Variants in STPG4 observed in about 807,000 individuals in gnomAD.
The protein encoded by STPG4 is protein STPG4.
In STPG4, 41 loss-of-function variants were observed where a neutral mutation model predicts 31.5. The ratio of observed to expected loss-of-function variants is 1.30; its 90% CI spans 1.01 to 1.69. The LOEUF (loss-of-function observed/expected upper bound fraction) is 1.69. Among genes scored for constraint, STPG4 ranks in the 40% most tolerant of loss-of-function variants. STPG4 has a pLI of 0.00. For synonymous variants in STPG4, 141 were observed against 103.0 expected, an observed-to-expected ratio of 1.37 and a Z score of -2.24; for missense variants, 375 against 293.4, an observed-to-expected ratio of 1.28 and a Z score of -2.03.
intron 5 of STPG4, among the ~76,000 whole-genome samples, chr2:47,097,008 C>A (rs1040807155): frequency 1.3e-5 from 2 of 152,142 alleles, no homozygotes; most frequent in East Asian, 3.9e-4. Flanking sequence ...AGGGAAGAGG[C>A]ATCTGGAGTA....
intron 5 of STPG4, among the ~76,000 whole-genome samples, chr2:47,109,018 C>T (rs947627847): frequency 6.6e-6 from 1 of 152,210 alleles, no homozygotes; most frequent in Non-Finnish European, 1.5e-5. Flanking sequence ...TCCACCCCAC[C>T]TTTATGTTTT....
intron 3 of STPG4, 87 bp downstream of exon 3, chr2:47,151,171 G>T: frequency 6.8e-7 from 1 of 1,470,206 alleles, no homozygotes; most frequent in South Asian, 1.3e-5. Context: ...TTCTCCTGGG[G>T]GAAGATATAC....
intron 5 of STPG4, among the ~76,000 whole-genome samples, chr2:47,124,849 G>A (rs1558681176): frequency 1.3e-5 from 2 of 152,176 alleles, no homozygotes; most frequent in Admixed American, 1.3e-4. Flanking sequence ...CCTTTGTACT[G>A]TTCTTCGTGG....
At chr2:47,142,243 C>T (rs1201410670) in intron 3 of STPG4, among the ~76,000 whole-genome samples, 4 of 142,182 alleles carry the variant, frequency 2.8e-5, no homozygotes, top group South Asian at 4.9e-4. Context: ...TTTAATGGGG[C>T]GCCTTTCTAG....
Position 47,151,497 on chromosome 2 carries a change from T to C in STPG4, c.160A>G (p.Thr54Ala). ...TCAATAAAAGTTTTCAAGTGGTAAG[T>C]GCCAGGTATAGGAGTATCCTGTGGA... ...IALTDTPIPG[T>A]YHLKTFIEES... Residue 54 changes from threonine to alanine, a missense_variant, in exon 3 of 7, where the codon ACT becomes GCT. Transcript: ENST00000445927. 1 of 1,613,992 alleles carries C rather than the reference T, an allele frequency of 6.2e-7. No homozygotes were observed. The highest frequency in any genetic ancestry group is 8.5e-7 in the Non-Finnish European group (1 of 1,179,856).
chr2:47,124,429 T>A (rs1041710249), intron 5 of STPG4, among the ~76,000 whole-genome samples: 15 of 152,196 alleles, frequency 9.9e-5, no homozygotes, highest in Admixed American at 8.5e-4. Flanking sequence ...CTACCCTTCT[T>A]AGTCTCTGGT....
chr2:47,113,094 G>A (rs1686075643), intron 5 of STPG4, among the ~76,000 whole-genome samples: 1 of 151,770 alleles, frequency 6.6e-6, no homozygotes, highest in Non-Finnish European at 1.5e-5. Context: ...ATAAATAAGG[G>A]AAAGATACAT....
chr2:47,131,123 C>T (rs1416857174), intron 3 of STPG4, among the ~76,000 whole-genome samples: 1 of 151,474 alleles, frequency 6.6e-6, no homozygotes, highest in East Asian at 1.9e-4. Flanking sequence ...CTGATCACAT[C>T]TTATTTTTAT....
At chr2:47,089,109 G>T (rs1019816499) in intron 6 of STPG4, among the ~76,000 whole-genome samples, 1 of 152,154 alleles carries the variant, frequency 6.6e-6, no homozygotes, top group East Asian at 1.9e-4. Context: ...CACCACGCCC[G>T]TATGGTGAAT....
chr2:47,096,480 G>A (rs1177676718), intron 5 of STPG4, among the ~76,000 whole-genome samples: 1 of 152,180 alleles, frequency 6.6e-6, no homozygotes, highest in Non-Finnish European at 1.5e-5. Context: ...AATAAAAAGT[G>A]TTAACTGGAC....
At chr2:47,112,376 G>C (rs1686056160) in intron 5 of STPG4, among the ~76,000 whole-genome samples, 2 of 151,504 alleles carry the variant, frequency 1.3e-5, no homozygotes, top group Admixed American at 1.3e-4. Flanking sequence ...TCACCATGTT[G>C]GCCAAGCTGG....
rs753782251 is a variant in STPG4 at position 47,151,320 on chromosome 2, C to A, written c.337G>T (p.Ala113Ser). ...DFLDLLKKQV[A>S]TYSFKDKPRP... ...GGTTTGTCTTTGAATGAGTAAGTAG[C>A]CACTTGCTTCTTTAACAGGTCCAGG... The change falls in exon 3 of 7, where the codon GCT becomes TCT. Residue 113 changes from alanine to serine, a missense_variant. Physicochemically the swap from Ala to Ser is moderately conservative, Grantham distance 99. Coordinates refer to ENST00000445927, the MANE Select transcript of STPG4 (RefSeq NM_001163561.2). 6.2e-7 allele frequency: 1 copy of A among 1,614,152 alleles called. No individual in the cohort carries two copies. The highest frequency in any genetic ancestry group is 1.7e-5 in the Admixed American group (1 of 60,026).
intron 5 of STPG4, among the ~76,000 whole-genome samples, chr2:47,096,650 G>C (rs1473161985): frequency 6.6e-6 from 1 of 152,178 alleles, no homozygotes; most frequent in Non-Finnish European, 1.5e-5. Context: ...GGTTGAATGT[G>C]TCAAACCTCA....
chr2:47,148,926 A>G (rs1686881518), intron 3 of STPG4, among the ~76,000 whole-genome samples: 1 of 152,228 alleles, frequency 6.6e-6, no homozygotes, highest in African/African-American at 2.4e-5. Context: ...AGCCACTGAA[A>G]GATATAAAAT....
intron 3 of STPG4, among the ~76,000 whole-genome samples, chr2:47,142,645 A>G (rs1686738305): frequency 6.6e-6 from 1 of 152,154 alleles, no homozygotes; most frequent in Admixed American, 6.5e-5. Flanking sequence ...TTCCAAATGG[A>G]AACCACTGTT....
chr2:47,152,014 T>C (rs1686949471), intron 2 of STPG4, among the ~76,000 whole-genome samples: 1 of 152,026 alleles, frequency 6.6e-6, no homozygotes. Flanking sequence ...CCGCCCGCCT[T>C]GGCATCCCAA....
intron 5 of STPG4, among the ~76,000 whole-genome samples, chr2:47,106,470 C>T (rs1573159347): frequency 6.6e-6 from 1 of 151,946 alleles, no homozygotes; most frequent in African/African-American, 2.4e-5. Flanking sequence ...CCTACTACCA[C>T]ACACTCTCAA....
rs914561235 is a variant in STPG4 at position 47,104,056 on chromosome 2, G to C, written c.520-13682C>G. On this transcript the variant is annotated intron_variant, in intron 5 of 6. Coordinates refer to ENST00000445927, the MANE Select transcript of STPG4 (RefSeq NM_001163561.2). The stretch of plus-strand genomic sequence containing the variant: ...GCCTGAAAGTCCCACACCCTTATTA[G>C]GGAGAGATATATTAGCCAAGGCTGG... 2.6e-5 allele frequency among the ~76,000 whole-genome samples: 4 copies of C among 151,980 alleles called. 1 individual carries two copies. Among genetic ancestry groups the C allele is most frequent in the African/African-American group, 7.3e-5 (3 of 41,324 alleles).
intron 3 of STPG4, among the ~76,000 whole-genome samples, chr2:47,135,627 T>C (rs1002653671): frequency 6.6e-6 from 1 of 152,192 alleles, no homozygotes; most frequent in Non-Finnish European, 1.5e-5. Flanking sequence ...CCTCAAGTGA[T>C]CCATCTGCCT....
Sources: allele counts gnomAD v4.1 joint callset (sites outside exome capture counted in the v4.1 genomes callset), GRCh38; gene constraint gnomAD v4.1.1; transcripts MANE v1.5; gene names NCBI Gene and HGNC (gene_info 2026-07-23, HGNC 2026-07-21).